Variants in TNFAIP8L1 observed in about 807,000 individuals in gnomAD.
TNFAIP8L1 encodes tumor necrosis factor alpha-induced protein 8-like protein 1.
For synonymous variants in TNFAIP8L1, 127 were observed against 125.6 expected (o/e 1.01, Z -0.08); for missense variants, 225 against 266.1 (o/e 0.85, Z 1.08).
At chr19:4,649,639 C>G (rs1376973904) in intron 1 of TNFAIP8L1, among the ~76,000 whole-genome samples, 1 of 152,186 alleles carries the variant, frequency 6.6e-6, no homozygotes, top group Non-Finnish European at 1.5e-5. Flanking sequence ...GGCTCAGCCT[C>G]TCTGAGCCTT....
chr19:4,650,331 T>C (rs2088350282), intron 1 of TNFAIP8L1, among the ~76,000 whole-genome samples: 1 of 150,784 alleles, frequency 6.6e-6, no homozygotes, highest in South Asian at 2.1e-4. Context: ...TGTATAGGAG[T>C]TCACCAGGGA....
At position 4,654,036 on chromosome 19, in the gene TNFAIP8L1, T is replaced by C. The variant is rs2088399480; in HGVS notation, c.*1606T>C. 6.6e-6 allele frequency: 1 copy of C among 151,730 alleles called. No homozygotes were observed. The highest frequency in any genetic ancestry group is 1.5e-5 in the Non-Finnish European group (1 of 67,902). 9.4% of individuals were successfully genotyped at this position (151,730 alleles called of 1,614,324 possible). On this transcript the variant is annotated 3_prime_UTR_variant, in exon 2 of 2. Transcript: ENST00000327473. Reference sequence around the variant, plus strand: ...GGAGCTGGGAGAGGCCCAGGGCAGATCCCCTTCAGCCTTGGAGGGACCTAG... The same window carrying C: ...GGAGCTGGGAGAGGCCCAGGGCAGACCCCCTTCAGCCTTGGAGGGACCTAG...
chr19:4,651,469 G>A (rs1273362979), intron 1 of TNFAIP8L1, among the ~76,000 whole-genome samples: 2 of 151,068 alleles, frequency 1.3e-5, no homozygotes, highest in Non-Finnish European at 3.0e-5. Context: ...TGAACCACAG[G>A]CTTGAATTAT....
Position 4,651,847 on chromosome 19 carries a change from C to A in TNFAIP8L1, c.-3-20C>A. ...GTGCCCCAACGTGCAAAACTGAGGGCTGGTCTGTGTCCCCCGCAGGCCATG... is the reference window on the plus strand; with the variant it reads ...GTGCCCCAACGTGCAAAACTGAGGGATGGTCTGTGTCCCCCGCAGGCCATG... On this transcript the variant is annotated intron_variant, in intron 1 of 1. Coordinates refer to ENST00000327473, the MANE Select transcript of TNFAIP8L1 (RefSeq NM_152362.3). 1 of 1,573,952 alleles carries A rather than the reference C, an allele frequency of 6.4e-7. No individual in the cohort carries two copies. The highest frequency in any genetic ancestry group is 8.7e-7 in the Non-Finnish European group (1 of 1,155,716).
At chr19:4,650,202 C>T (rs1193732016) in intron 1 of TNFAIP8L1, among the ~76,000 whole-genome samples, 1 of 152,000 alleles carries the variant, frequency 6.6e-6, no homozygotes, top group Non-Finnish European at 1.5e-5. Flanking sequence ...AGCAGAGGAG[C>T]AATGGGGATG....
chr19:4,643,216 T>C (rs994903088), intron 1 of TNFAIP8L1, among the ~76,000 whole-genome samples: 1 of 150,788 alleles, frequency 6.6e-6, no homozygotes. Context: ...GAGGCGGAGG[T>C]TGCAGTGAGC....
At position 4,653,461 on chromosome 19, in the gene TNFAIP8L1, A is replaced by AAATT. The variant is rs1429136691; in HGVS notation, c.*1033_*1036dup. ...TGAGACCCTCGTCTCTACAAAAAAAAAATTATCGTGGTGGGCCGGGCGTGG... is the reference window on the plus strand; with the variant it reads ...TGAGACCCTCGTCTCTACAAAAAAAAAATTAATTATCGTGGTGGGCCGGGCGTGG... On this transcript the variant is annotated 3_prime_UTR_variant, in exon 2 of 2. Coordinates refer to ENST00000327473, the MANE Select transcript of TNFAIP8L1 (RefSeq NM_152362.3). 4 of 165,532 alleles carry AAATT rather than the reference A, an allele frequency of 2.4e-5. No homozygotes were observed. The South Asian group carries it at 6.3e-4, about 26-fold the overall frequency. The allele number at this position is 165,532 out of a possible 1,614,324, so 10.3% of individuals were successfully genotyped here.
chr19:4,652,718 C>T lies in TNFAIP8L1; in HGVS notation c.*288C>T, dbSNP rs1373176071. The T allele has an allele frequency of 7.3e-6, 3 of 411,738 alleles. No individual in the cohort carries two copies. Among genetic ancestry groups the T allele is most frequent in the Non-Finnish European group, 1.3e-5 (3 of 224,728 alleles). The allele number at this position is 411,738 out of a possible 1,614,324, so 25.5% of individuals were successfully genotyped here. A position where few individuals can be genotyped will look rare whatever the true frequency, so the allele number is the denominator to read the frequency against. ...CCCGTTTGTACTTTCTGGGCCACGC[C>T]GACCCCTGGGTCGCTTGATGTAAAA... is the stretch of plus-strand genomic sequence containing the variant. On this transcript the variant is annotated 3_prime_UTR_variant, in exon 2 of 2. Coordinates refer to ENST00000327473, the MANE Select transcript of TNFAIP8L1 (RefSeq NM_152362.3).
chr19:4,643,084 G>A (rs2088277895), intron 1 of TNFAIP8L1, among the ~76,000 whole-genome samples: 1 of 151,954 alleles, frequency 6.6e-6, no homozygotes, highest in Non-Finnish European at 1.5e-5. Flanking sequence ...TTGGAGACCA[G>A]CCTGACCAAC....
intron 1 of TNFAIP8L1, among the ~76,000 whole-genome samples, chr19:4,646,235 G>A (rs2145167955): frequency 6.6e-6 from 1 of 151,278 alleles, no homozygotes; most frequent in East Asian, 1.9e-4. Context: ...CGGTTCTCCT[G>A]CCTCAGTCTC....
chr19:4,647,260 C>A (rs1017972608), intron 1 of TNFAIP8L1, among the ~76,000 whole-genome samples: 25 of 152,112 alleles, frequency 1.6e-4, no homozygotes, highest in Non-Finnish European at 2.8e-4. Context: ...ATTGCTGGGT[C>A]CTATGGTAAC....
chr19:4,642,879 T>A (rs1358328803), intron 1 of TNFAIP8L1, among the ~76,000 whole-genome samples: 1 of 151,700 alleles, frequency 6.6e-6, no homozygotes, highest in African/African-American at 2.4e-5. Context: ...CTGACTCAGG[T>A]ACTCACAGGC....
chr19:4,644,971 A>C (rs1049822720), intron 1 of TNFAIP8L1, among the ~76,000 whole-genome samples: 2 of 152,192 alleles, frequency 1.3e-5, no homozygotes, highest in Non-Finnish European at 2.9e-5. Flanking sequence ...GCCTGGGATC[A>C]CTGGCCTCGG....
In TNFAIP8L1 at chr19:4,642,945, A is replaced by G. The variant is rs533220025; in HGVS notation, c.-4+3316A>G. ...GGGGGCATGGGGATAGATGGTGCTGAGGGACGAGGGGACCAGGATGGAGGC... is the reference window on the plus strand; with the variant it reads ...GGGGGCATGGGGATAGATGGTGCTGGGGGACGAGGGGACCAGGATGGAGGC... On this transcript the variant is annotated intron_variant, in intron 1 of 1. Coordinates refer to ENST00000327473, the MANE Select transcript of TNFAIP8L1 (RefSeq NM_152362.3). Among the ~76,000 whole-genome samples, 29 of 151,994 alleles carry G rather than the reference A, an allele frequency of 1.9e-4. 1 individual carries two copies. The South Asian group carries it at 5.8e-3, about 31-fold the overall frequency.
At chr19:4,649,396 GC>G (rs138004915) in intron 1 of TNFAIP8L1, among the ~76,000 whole-genome samples, 2,482 of 152,220 alleles carry the variant, frequency 0.016, 31 homozygotes, top group South Asian at 0.06. Flanking sequence ...ACAAGCTTCT[GC>G]CCCAGGACAA....
Position 4,648,526 on chromosome 19 carries a change from G to A in TNFAIP8L1, c.-3-3341G>A, listed in dbSNP as rs367744747. The stretch of plus-strand genomic sequence containing the variant: ...AGCAGGTCCCGGGGCTGCCCCGGCC[G>A]TCTTAGGAGTGTGGGGGCCAGGAAG... On this transcript the variant is annotated intron_variant, in intron 1 of 1. Transcript: ENST00000327473. 2.2e-4 allele frequency among the ~76,000 whole-genome samples: 34 copies of A among 152,338 alleles called. No homozygotes were observed. The South Asian group carries it at 5.0e-3, about 22-fold the overall frequency.
chr19:4,652,328 C>T lies in TNFAIP8L1; in HGVS notation c.459C>T (p.Cys153=), dbSNP rs368821670. 1.6e-4 allele frequency: 253 copies of T among 1,555,584 alleles called. No individual in the cohort carries two copies. Among genetic ancestry groups the T allele is most frequent in the Non-Finnish European group, 2.0e-4 (227 of 1,152,280 alleles). The change falls in exon 2 of 2, where the codon TGC becomes TGT. Residue 153 remains cysteine, a synonymous_variant. Coordinates refer to ENST00000327473, the MANE Select transcript of TNFAIP8L1 (RefSeq NM_152362.3). ...ACGTGTTCGGCCACCTAGCCGACTG[C>T]GACTTCCTGGCTGCGCTCTACGGCC... ...INHVFGHLAD[C]DFLAALYGPA...
chr19:4,651,863 G>A lies in TNFAIP8L1; in HGVS notation c.-3-4G>A. ...AACTGAGGGCTGGTCTGTGTCCCCC[G>A]CAGGCCATGGACACCTTCAGCACCA... On this transcript the variant is annotated splice_polypyrimidine_tract_variant and splice_region_variant and intron_variant, in intron 1 of 1. Coordinates refer to ENST00000327473, the MANE Select transcript of TNFAIP8L1 (RefSeq NM_152362.3). The A allele has an allele frequency of 1.3e-6, 2 of 1,590,834 alleles. No homozygotes were observed. Among genetic ancestry groups the A allele is most frequent in the South Asian group, 1.1e-5 (1 of 89,282 alleles).
chr19:4,650,699 G>A (rs1219893229), intron 1 of TNFAIP8L1, among the ~76,000 whole-genome samples: 2 of 152,156 alleles, frequency 1.3e-5, no homozygotes, highest in Non-Finnish European at 2.9e-5. Context: ...GGCTGTCCAA[G>A]TCAATGTTTC....
Sources: allele counts gnomAD v4.1 joint callset (sites outside exome capture counted in the v4.1 genomes callset), GRCh38; gene constraint gnomAD v4.1.1; transcripts MANE v1.5; gene names NCBI Gene and HGNC (gene_info 2026-07-23, HGNC 2026-07-21).